Variants in BARD1 observed in about 807,000 individuals in gnomAD.
BARD1 encodes BRCA1 associated RING domain 1, also known as BRCA1-associated RING domain protein 1.
BARD1 carries 73 observed loss-of-function variants against 77.0 expected under a neutral mutation model. That is an observed-to-expected ratio of 0.95 (90% CI 0.79 to 1.15). BARD1 has a LOEUF of 1.15. Among genes scored for constraint, BARD1 ranks in the 50% most tolerant of loss-of-function variants. The pLI is 0.00. For missense variants in BARD1, 993 were observed against 938.8 expected, an observed-to-expected ratio of 1.06 and a Z score of -0.75; for synonymous variants, 384 against 338.0, an observed-to-expected ratio of 1.14 and a Z score of -1.49.
In BARD1 at chr2:214,780,777, G is replaced by A. The variant is rs1553622247; in HGVS notation, c.1097C>T (p.Pro366Leu). 6 of 1,613,578 alleles carry A rather than the reference G, an allele frequency of 3.7e-6. No individual in the cohort carries two copies. The highest frequency in any genetic ancestry group is 5.1e-6 in the Non-Finnish European group (6 of 1,179,964). The part of the protein sequence containing the change: ...NIPLPECSSP[P>L]SCKRKVGGTS... The stretch of plus-strand genomic sequence containing the variant: ...ACCACCAACTTTACGTTTGCATGAA[G>A]GTGGTGAAGAACATTCAGGCAATGG... Residue 366 changes from proline (P) to leucine (L), a missense_variant, in exon 4 of 11, where the codon CCT becomes CTT. Transcript: ENST00000260947.
At chr2:214,751,148 T>C (rs1336744632) in intron 7 of BARD1, among the ~76,000 whole-genome samples, 16,557 of 41,520 alleles carry the variant, frequency 0.4, 5,343 homozygotes, top group East Asian at 0.51. Flanking sequence ...TATATATATA[T>C]ATATTTTTTT....
chr2:214,802,065 T>G lies in BARD1; in HGVS notation c.159-4948A>C, dbSNP rs141928663. 3.0e-3 allele frequency among the ~76,000 whole-genome samples: 463 copies of G among 152,252 alleles called. 4 individuals carry two copies. The highest frequency in any genetic ancestry group is 0.01 in the African/African-American group (431 of 41,548). ...GGGGTTTTGCCATGTTGCCCAGGCT[T>G]GAAAACTAAATATTTTGTACAGATG... On this transcript the variant is annotated intron_variant, in intron 1 of 10. Transcript: ENST00000260947.
In BARD1 at chr2:214,809,592, C is replaced by A. The variant is rs759335451; in HGVS notation, c.-23G>T. 1 of 1,534,118 alleles carries A rather than the reference C, an allele frequency of 6.5e-7. No homozygotes were observed. On this transcript the variant is annotated 5_prime_UTR_variant, in exon 1 of 11. Transcript: ENST00000260947. ...CATCGTCCCGCCTTCGGATGAAAGG[C>A]TCCTCGCAGAGCGGGAAGCAAGGAA... is the stretch of plus-strand genomic sequence containing the variant.
intron 7 of BARD1, among the ~76,000 whole-genome samples, chr2:214,751,135 ATATATATATATATATATTTTTTTTT>A (rs1693411957): frequency 1.2e-4 from 2 of 16,888 alleles, no homozygotes; most frequent in Middle Eastern, 0.056. Flanking sequence ...ATATATATAT[ATATATATATATATATATTTTTTTTT>A]TTTTTTTTTT....
At chr2:214,791,882 G>A (rs1191041350) in intron 3 of BARD1, among the ~76,000 whole-genome samples, 1 of 152,124 alleles carries the variant, frequency 6.6e-6, no homozygotes, top group East Asian at 1.9e-4. Flanking sequence ...AGTCAGAAAT[G>A]GGCTTTATTT....
rs141353063 is a variant in BARD1 at position 214,807,537 on chromosome 2, T to C, written c.158+1875A>G. On this transcript the variant is annotated intron_variant, in intron 1 of 10. Transcript: ENST00000260947. ...ATCACAACCACCAAACTCAATACTT[T>C]ACATACATGTAAAATTTCATTTTGT... Among the ~76,000 whole-genome samples, 1,072 of 152,348 alleles carry C rather than the reference T, an allele frequency of 7.0e-3. 5 individuals are homozygous for C. The highest frequency in any genetic ancestry group is 0.011 in the Non-Finnish European group (761 of 68,038).
intron 7 of BARD1, among the ~76,000 whole-genome samples, chr2:214,748,822 G>A (rs1242671997): frequency 6.6e-6 from 1 of 151,482 alleles, no homozygotes; most frequent in East Asian, 2.0e-4. Flanking sequence ...GCTTGTTTCA[G>A]AGGCAAGTAT....
chr2:214,758,985 G>T (rs1031162264), intron 6 of BARD1, among the ~76,000 whole-genome samples: 1 of 152,164 alleles, frequency 6.6e-6, no homozygotes, highest in African/African-American at 2.4e-5. Context: ...GATACCAAGA[G>T]AGTTCATGAA....
intron 6 of BARD1, among the ~76,000 whole-genome samples, chr2:214,761,865 T>C (rs1168241157): frequency 6.6e-6 from 1 of 152,204 alleles, no homozygotes; most frequent in African/African-American, 2.4e-5. Context: ...ATCATCATTA[T>C]TGCATCATTC....
At chr2:214,751,097 G>T (rs868231359) in intron 7 of BARD1, among the ~76,000 whole-genome samples, 1 of 11,070 alleles carries the variant, frequency 9.0e-5, no homozygotes, top group South Asian at 3.3e-3. Context: ...GTGTGTGTGT[G>T]TGTGTGTGTG....
intron 1 of BARD1, among the ~76,000 whole-genome samples, chr2:214,804,113 C>A (rs749905880): frequency 1.3e-5 from 2 of 152,162 alleles, no homozygotes; most frequent in African/African-American, 4.8e-5. Flanking sequence ...GTAATTTTAA[C>A]GTGTGGACCA....
At chr2:214,778,549 A>G (rs1168329937) in intron 4 of BARD1, among the ~76,000 whole-genome samples, 1 of 152,172 alleles carries the variant, frequency 6.6e-6, no homozygotes, top group East Asian at 1.9e-4. Context: ...CCAAGACAGG[A>G]GCATGCCATC....
In BARD1 at chr2:214,726,576, G is replaced by C. The variant is rs1230952775; in HGVS notation, c.*2100C>G. ...TTAATAGACTTCCTCACCAAGTCAT[G>C]TTGAGCCTCATTCAACAGCACAGAA... is the stretch of plus-strand genomic sequence containing the variant. On this transcript the variant is annotated 3_prime_UTR_variant, in exon 11 of 11. Coordinates refer to ENST00000260947, the MANE Select transcript of BARD1 (RefSeq NM_000465.4). 2.2e-5 allele frequency: 5 copies of C among 229,384 alleles called. No homozygotes were observed. Among genetic ancestry groups the C allele is most frequent in the Non-Finnish European group, 3.5e-5 (4 of 115,740 alleles). 14.2% of individuals were successfully genotyped at this position (229,384 alleles called of 1,614,324 possible).
chr2:214,747,528 A>T (rs1449193680), intron 7 of BARD1, among the ~76,000 whole-genome samples: 2 of 149,438 alleles, frequency 1.3e-5, no homozygotes, highest in Non-Finnish European at 3.0e-5. Flanking sequence ...ATGCAGCCAT[A>T]AAAAAGGATG....
At position 214,728,593 on chromosome 2, in the gene BARD1, A is replaced by C. The variant is rs551553436; in HGVS notation, c.*83T>G. 5.6e-5 allele frequency: 77 copies of C among 1,382,462 alleles called. No homozygotes were observed. In the South Asian group the frequency reaches 8.7e-4, roughly 16 times the overall value. The allele number at this position is 1,382,462 out of a possible 1,614,324, so 85.6% of individuals were successfully genotyped here. A position where few individuals can be genotyped will look rare whatever the true frequency, so the allele number is the denominator to read the frequency against. ...ATGAATGACTCTACCTATTTGTAAAAATGTGAACATTAAAAACAGTACAAT... is the reference window on the plus strand; with the variant it reads ...ATGAATGACTCTACCTATTTGTAAACATGTGAACATTAAAAACAGTACAAT... On this transcript the variant is annotated 3_prime_UTR_variant, in exon 11 of 11. Coordinates refer to ENST00000260947, the MANE Select transcript of BARD1 (RefSeq NM_000465.4).
intron 7 of BARD1, among the ~76,000 whole-genome samples, chr2:214,748,183 C>T (rs1017663398): frequency 6.6e-6 from 1 of 152,134 alleles, no homozygotes; most frequent in Non-Finnish European, 1.5e-5. Context: ...TCCTATCATA[C>T]TTTTAAAAAT....
At chr2:214,807,030 C>A (rs552875110) in intron 1 of BARD1, among the ~76,000 whole-genome samples, 2 of 152,036 alleles carry the variant, frequency 1.3e-5, no homozygotes, top group South Asian at 4.2e-4. Context: ...TCTGTACAGC[C>A]CTTAAGGAAA....
At chr2:214,733,740 T>A (rs1481330561) in intron 9 of BARD1, among the ~76,000 whole-genome samples, 2 of 152,132 alleles carry the variant, frequency 1.3e-5, no homozygotes, top group Non-Finnish European at 2.9e-5. Context: ...ACTATCAAAT[T>A]TAATTTTTCA....
rs1694961543 is a variant in BARD1 at position 214,780,775 on chromosome 2, A to T, written c.1099T>A (p.Ser367Thr). The T allele has an allele frequency of 6.2e-7, 1 of 1,613,840 alleles. No homozygotes were observed. The highest frequency in any genetic ancestry group is 8.5e-7 in the Non-Finnish European group (1 of 1,179,954). Residue 367 changes from serine (S) to threonine (T), a missense_variant, in exon 4 of 11, where the codon TCA (serine) becomes ACA (threonine). Physicochemically the swap from Ser to Thr is moderately conservative, Grantham distance 58. Coordinates refer to ENST00000260947, the MANE Select transcript of BARD1 (RefSeq NM_000465.4). ...IPLPECSSPPSCKRKVGGTSG... is the reference protein window; with the variant it reads ...IPLPECSSPPTCKRKVGGTSG... ...GTACCACCAACTTTACGTTTGCATG[A>T]AGGTGGTGAAGAACATTCAGGCAAT...
Sources: allele counts gnomAD v4.1 joint callset (sites outside exome capture counted in the v4.1 genomes callset), GRCh38; gene constraint gnomAD v4.1.1; transcripts MANE v1.5; gene names NCBI Gene and HGNC (gene_info 2026-07-23, HGNC 2026-07-21).